ZFPM1: variants seen among roughly 807,000 people sequenced by gnomAD.
ZFPM1 encodes zinc finger protein, FOG family member 1.
A neutral mutation model predicts 46.3 loss-of-function variants in ZFPM1; 28 were observed. That is an observed-to-expected ratio of 0.60 (90% confidence interval 0.45 to 0.83). The LOEUF (loss-of-function observed/expected upper bound fraction) is 0.83. ZFPM1 is among the 40% of genes least tolerant of loss of function. The pLI, the probability that ZFPM1 is intolerant of heterozygous loss-of-function variation, is 0.00. For missense variants in ZFPM1, 1,878 were observed against 1,432.4 expected (o/e 1.31, Z -5.02); for synonymous variants, 957 against 675.9 (o/e 1.42, Z -6.45).
intron 3 of ZFPM1, among the ~76,000 whole-genome samples, chr16:88,507,590 G>A (rs1910731030): frequency 6.6e-6 from 1 of 152,204 alleles, no homozygotes; most frequent in Non-Finnish European, 1.5e-5. Context: ...CTCAGCCACT[G>A]TCCATAGCCT....
At chr16:88,487,007 C>G (rs1290350533) in intron 2 of ZFPM1, among the ~76,000 whole-genome samples, 4 of 152,216 alleles carry the variant, frequency 2.6e-5, no homozygotes, top group African/African-American at 9.7e-5. Flanking sequence ...CCTCCACCCT[C>G]ACAGGCACCT....
At chr16:88,524,378 G>A (rs986387281) in intron 4 of ZFPM1, among the ~76,000 whole-genome samples, 11 of 152,284 alleles carry the variant, frequency 7.2e-5, no homozygotes, top group African/African-American at 1.9e-4. Context: ...AGCCCCCATC[G>A]GAGCCGGCAG....
At chr16:88,455,712 G>GC (rs1245979330) in intron 1 of ZFPM1, among the ~76,000 whole-genome samples, 1 of 152,154 alleles carries the variant, frequency 6.6e-6, no homozygotes, top group Non-Finnish European at 1.5e-5. Context: ...TAGATGTGCC[G>GC]CGCTGATAAG....
chr16:88,485,056 G>T (rs982832375), intron 1 of ZFPM1, among the ~76,000 whole-genome samples: 1 of 152,218 alleles, frequency 6.6e-6, no homozygotes, highest in Non-Finnish European at 1.5e-5. Context: ...CTGGGTGAGG[G>T]TGTCACCCCA....
intron 1 of ZFPM1, among the ~76,000 whole-genome samples, chr16:88,461,936 A>T (rs1907912007): frequency 6.6e-6 from 1 of 152,134 alleles, no homozygotes; most frequent in South Asian, 2.1e-4. Context: ...GGGGCCGTGG[A>T]CCCTGGGGGT....
intron 3 of ZFPM1, among the ~76,000 whole-genome samples, chr16:88,513,531 G>A (rs2142429453): frequency 6.6e-6 from 1 of 152,346 alleles, no homozygotes; most frequent in South Asian, 2.1e-4. Context: ...CACAGGAGAG[G>A]TAGAGGTGGC....
rs189606999 is a variant in ZFPM1 at position 88,470,405 on chromosome 16, C to T, written c.41-15534C>T. The stretch of plus-strand genomic sequence containing the variant: ...GTGACCTCATGGAACCCCAGCCTAA[C>T]GAGGGAGAGTGAACACAGGGGTCTG... On this transcript the variant is annotated intron_variant, in intron 1 of 9. Coordinates refer to ENST00000319555, the MANE Select transcript of ZFPM1 (RefSeq NM_153813.3). Among the ~76,000 whole-genome samples, 314 of 152,334 alleles carry T rather than the reference C, an allele frequency of 2.1e-3. 1 individual carries two copies. Among genetic ancestry groups the T allele is most frequent in the South Asian group, 2.9e-3 (14 of 4,830 alleles).
chr16:88,475,535 A>T (rs1318055544), intron 1 of ZFPM1, among the ~76,000 whole-genome samples: 1 of 151,876 alleles, frequency 6.6e-6, no homozygotes, highest in African/African-American at 2.4e-5. Context: ...CACAGCCAAG[A>T]AAAAGGGAGG....
chr16:88,494,152 G>A (rs1035578233), intron 3 of ZFPM1, among the ~76,000 whole-genome samples: 2 of 152,102 alleles, frequency 1.3e-5, no homozygotes, highest in African/African-American at 2.4e-5. Flanking sequence ...CGGCTGCCCC[G>A]GGGCGGCCTG....
chr16:88,511,653 C>T (rs1366776869), intron 3 of ZFPM1, among the ~76,000 whole-genome samples: 3 of 152,258 alleles, frequency 2.0e-5, no homozygotes, highest in Admixed American at 6.5e-5. Flanking sequence ...ATTTTACTTC[C>T]GGTTGGGAGA....
chr16:88,488,542 G>T (rs186439581), intron 2 of ZFPM1, among the ~76,000 whole-genome samples: 4 of 152,108 alleles, frequency 2.6e-5, no homozygotes, highest in African/African-American at 4.8e-5. Flanking sequence ...AGCCCTTATC[G>T]CGGGTATTAA....
At chr16:88,475,307 A>C (rs1029566542) in intron 1 of ZFPM1, among the ~76,000 whole-genome samples, 1 of 152,178 alleles carries the variant, frequency 6.6e-6, no homozygotes, top group Non-Finnish European at 1.5e-5. Flanking sequence ...GGGCACACAC[A>C]GGGACCATGG....
Position 88,536,273 on chromosome 16 carries a change from A to G in ZFPM1, c.*1294A>G, listed in dbSNP as rs1257697852. 6.6e-6 allele frequency: 1 copy of G among 152,044 alleles called. No homozygotes were observed. Among genetic ancestry groups the G allele is most frequent in the Non-Finnish European group, 1.5e-5 (1 of 67,996 alleles). The allele number at this position is 152,044 out of a possible 1,614,324, so 9.4% of individuals were successfully genotyped here. A position where few individuals can be genotyped will look rare whatever the true frequency, so the allele number is the denominator to read the frequency against. ...TGCAGCCTCAAACTCCTGAGCTGAA[A>G]CCATCTTCCTGCCTCAGCCTCCCAA... On this transcript the variant is annotated 3_prime_UTR_variant, in exon 10 of 10. Transcript: ENST00000319555.
intron 1 of ZFPM1, among the ~76,000 whole-genome samples, chr16:88,466,381 A>G (rs1335722920): frequency 6.6e-6 from 1 of 152,240 alleles, no homozygotes; most frequent in Non-Finnish European, 1.5e-5. Flanking sequence ...CCAAGATCAC[A>G]CAGCATGAAG....
intron 1 of ZFPM1, among the ~76,000 whole-genome samples, chr16:88,460,954 G>A (rs1183054824): frequency 2.1e-4 from 11 of 51,786 alleles, no homozygotes; most frequent in South Asian, 1.5e-3. Context: ...ACCGAGGGGC[G>A]GGGCGGGAGG....
chr16:88,485,500 T>C (rs1302115950), intron 1 of ZFPM1, among the ~76,000 whole-genome samples: 1 of 150,026 alleles, frequency 6.7e-6, no homozygotes, highest in Non-Finnish European at 1.5e-5. Flanking sequence ...AGTGCAGCGG[T>C]GCAATCGCGG....
Position 88,497,773 on chromosome 16 carries a change from C to T in ZFPM1, c.268+8620C>T, listed in dbSNP as rs956383581. On this transcript the variant is annotated intron_variant, in intron 3 of 9. Transcript: ENST00000319555. The surrounding 1 kb of genome is among the most constrained non-coding windows in gnomAD (Gnocchi z 5.4). ...AGGGTCCCCCGCCCCAGGGTCCCGA[C>T]AGGGCCCGCCCGAGGCTGGGAATCC... Among the ~76,000 whole-genome samples, 1 of 152,144 alleles carries T rather than the reference C, an allele frequency of 6.6e-6. No homozygotes were observed. Among genetic ancestry groups the T allele is most frequent in the African/African-American group, 2.4e-5 (1 of 41,422 alleles).
In ZFPM1 at chr16:88,525,014, G is replaced by A. The variant is rs376586193; in HGVS notation, c.403-1800G>A. ...AGCCGTGTGGTAGCAGGCAGGTGAC[G>A]TGGAAGCCACCTGCTCTGCTGGCCA... On this transcript the variant is annotated intron_variant, in intron 4 of 9. Transcript: ENST00000319555. 6.6e-5 allele frequency among the ~76,000 whole-genome samples: 10 copies of A among 152,364 alleles called. 1 individual carries two copies. Among genetic ancestry groups the A allele is most frequent in the East Asian group, 1.9e-4 (1 of 5,186 alleles).
At chr16:88,503,670 G>A (rs1910501897) in intron 3 of ZFPM1, among the ~76,000 whole-genome samples, 1 of 152,178 alleles carries the variant, frequency 6.6e-6, no homozygotes, top group Admixed American at 6.5e-5. Context: ...CACCCTCTGT[G>A]GCTTCCCATA....
Sources: allele counts gnomAD v4.1 joint callset (sites outside exome capture counted in the v4.1 genomes callset), GRCh38; gene constraint gnomAD v4.1.1; non-coding constraint Gnocchi (gnomAD v3.1); transcripts MANE v1.5; gene names NCBI Gene and HGNC (gene_info 2026-07-23, HGNC 2026-07-21).